DNAJC6: variants seen among roughly 807,000 people sequenced by gnomAD.
DNAJC6 encodes the protein auxilin.
DNAJC6 carries 34 observed loss-of-function variants against 110.0 expected under a neutral mutation model. The ratio of observed to expected loss-of-function variants is 0.31; its 90% CI spans 0.24 to 0.41. The LOEUF (loss-of-function observed/expected upper bound fraction) is 0.41. Ranked by LOEUF, DNAJC6 falls within the 10% of genes least tolerant of loss-of-function variation. The pLI is 1.00. For missense variants in DNAJC6, 1,031 were observed against 1,207.8 expected (o/e 0.85, Z 2.17); for synonymous variants, 406 against 437.2 (o/e 0.93, Z 0.89).
chr1:65,321,345 C>T (rs1032775154), intron 1 of DNAJC6, among the ~76,000 whole-genome samples: 11 of 152,144 alleles, frequency 7.2e-5, no homozygotes, highest in African/African-American at 2.7e-4. Context: ...GGACTACAGG[C>T]ATGCACCCCA....
intron 16 of DNAJC6, 33 bp downstream of exon 16, chr1:65,406,166 G>A: frequency 1.3e-6 from 2 of 1,590,862 alleles, no homozygotes; most frequent in Admixed American, 1.7e-5. Flanking sequence ...TAGCTATGGG[G>A]CAGCCTGTCT....
At chr1:65,386,035 C>A in intron 7 of DNAJC6, 129 bp downstream of exon 7, 1 of 977,104 alleles carries the variant, frequency 1.0e-6, no homozygotes, top group Non-Finnish European at 1.5e-6. Context: ...AAAAAATGTT[C>A]AACATCAGTG....
At chr1:65,353,933 G>A (rs961421872) in intron 1 of DNAJC6, among the ~76,000 whole-genome samples, 27 of 152,100 alleles carry the variant, frequency 1.8e-4, no homozygotes, top group African/African-American at 6.5e-4. Context: ...GCAAAGACCA[G>A]ATCACTGCCA....
upstream of DNAJC6, among the ~76,000 whole-genome samples, chr1:65,306,730 G>C (rs1264538961): frequency 6.6e-6 from 1 of 152,130 alleles, no homozygotes; most frequent in African/African-American, 2.4e-5. Flanking sequence ...CAAGAGTTAG[G>C]CTGTAAATGT....
rs1378557586 is a variant in DNAJC6 at position 65,269,096 on chromosome 1, G to A, written c.-131+4164G>A. On this transcript the variant is annotated intron_variant, in intron 1 of 19. Transcript: ENST00000263441. ...GATTTAAAAGTTGTCATGACTGGGC[G>A]TGGTGGCTCAACCTGTGATCCCAAC... 3.3e-5 allele frequency among the ~76,000 whole-genome samples: 5 copies of A among 152,112 alleles called. No homozygotes were observed. The East Asian group carries it at 5.8e-4, about 18-fold the overall frequency.
intron 1 of DNAJC6, among the ~76,000 whole-genome samples, chr1:65,348,142 G>C (rs1046080728): frequency 6.6e-6 from 1 of 152,132 alleles, no homozygotes; most frequent in African/African-American, 2.4e-5. Flanking sequence ...TAAGTGACTT[G>C]AGCCTTAATT....
At chr1:65,344,492 C>A (rs1645419134) in intron 1 of DNAJC6, among the ~76,000 whole-genome samples, 1 of 152,092 alleles carries the variant, frequency 6.6e-6, no homozygotes, top group Non-Finnish European at 1.5e-5. Context: ...AAATAATTAT[C>A]TGTCTCCTTA....
upstream of DNAJC6, among the ~76,000 whole-genome samples, chr1:65,307,006 CTCTCTCTCTCTCTATATATA>C (rs1473290518): frequency 1.3e-4 from 13 of 98,792 alleles, no homozygotes; most frequent in African/African-American, 5.8e-4. Context: ...CTCTCTCTCT[CTCTCTCTCTCTCTATATATA>C]TATATATATA....
At chr1:65,346,209 A>G (rs955058243) in intron 1 of DNAJC6, among the ~76,000 whole-genome samples, 1 of 152,008 alleles carries the variant, frequency 6.6e-6, no homozygotes, top group African/African-American at 2.4e-5. Context: ...TACTAATACA[A>G]TTTTCTGATA....
intron 1 of DNAJC6, among the ~76,000 whole-genome samples, chr1:65,313,285 T>C (rs1645119429): frequency 2.0e-5 from 3 of 151,350 alleles, no homozygotes; most frequent in Admixed American, 2.0e-4. Context: ...GGTCTCAAAC[T>C]CCTGGGCTCA....
rs141282267 is a variant in DNAJC6, at chr1:65,318,396, G to C, written c.193+8458G>C. Reference sequence around the variant, plus strand: ...TCATACTGCAGCCCCAGGGAAAAGAGGGCAAAATGTGAATCCTGGAGATAA... The same window carrying C: ...TCATACTGCAGCCCCAGGGAAAAGACGGCAAAATGTGAATCCTGGAGATAA... On this transcript the variant is annotated intron_variant, in intron 1 of 18. Coordinates refer to ENST00000371069, the MANE Select transcript of DNAJC6 (RefSeq NM_001256864.2). 3.9e-3 allele frequency among the ~76,000 whole-genome samples: 599 copies of C among 152,226 alleles called. 3 individuals are homozygous for C. Among genetic ancestry groups the C allele is most frequent in the Middle Eastern group, 0.014 (4 of 292 alleles).
intron 1 of DNAJC6, among the ~76,000 whole-genome samples, chr1:65,285,693 G>A (rs1278094800): frequency 1.3e-5 from 2 of 151,882 alleles, no homozygotes; most frequent in East Asian, 3.9e-4. Flanking sequence ...TGTTTTTTGA[G>A]AAAGAGTCTC....
At chr1:65,363,751 A>G (rs1369873696) in intron 1 of DNAJC6, among the ~76,000 whole-genome samples, 2 of 152,174 alleles carry the variant, frequency 1.3e-5, no homozygotes, top group South Asian at 2.1e-4. Flanking sequence ...AACACGCACA[A>G]TAAAGAAGTA....
At chr1:65,325,570 A>T (rs1645234655) in intron 1 of DNAJC6, among the ~76,000 whole-genome samples, 1 of 151,876 alleles carries the variant, frequency 6.6e-6, no homozygotes, top group African/African-American at 2.4e-5. Context: ...GTACTGTACT[A>T]CTCCTACTGC....
intron 5 of DNAJC6, among the ~76,000 whole-genome samples, chr1:65,382,230 A>G (rs1292603761): frequency 6.6e-6 from 1 of 152,190 alleles, no homozygotes; most frequent in Non-Finnish European, 1.5e-5. Context: ...TGACTAATAG[A>G]CTAGTTGAGA....
At chr1:65,411,450 G>A (rs1415424707) in intron 18 of DNAJC6, 24 bp downstream of exon 18, 1 of 1,599,684 alleles carries the variant, frequency 6.3e-7, no homozygotes, top group Non-Finnish European at 8.5e-7. Flanking sequence ...GCCCTGTTGT[G>A]TAACTTGTCA....
intron 1 of DNAJC6, among the ~76,000 whole-genome samples, chr1:65,335,832 C>T (rs916004655): frequency 1.3e-5 from 2 of 152,106 alleles, no homozygotes; most frequent in African/African-American, 4.8e-5. Flanking sequence ...AGAAGAGTAA[C>T]ATTTGCCTTA....
intron 14 of DNAJC6, among the ~76,000 whole-genome samples, chr1:65,401,243 G>T (rs1243257198): frequency 1.3e-5 from 2 of 152,090 alleles, no homozygotes; most frequent in Admixed American, 1.3e-4. Context: ...TTTTTACCCT[G>T]TTGCCTTCTT....
At chr1:65,352,489 A>G (rs182526755) in intron 1 of DNAJC6, among the ~76,000 whole-genome samples, 1 of 152,326 alleles carries the variant, frequency 6.6e-6, no homozygotes, top group Admixed American at 6.5e-5. Flanking sequence ...CCTCTTTGAG[A>G]CACAGTTCCC....
Sources: allele counts gnomAD v4.1 joint callset (sites outside exome capture counted in the v4.1 genomes callset), GRCh38; gene constraint gnomAD v4.1.1; transcripts MANE v1.5; gene names NCBI Gene and HGNC (gene_info 2026-07-23, HGNC 2026-07-21).